ZNF292: variants seen among roughly 807,000 people sequenced by gnomAD.
ZNF292 encodes the protein 16 zinc-finger domain protein.
Under a neutral mutation model 217.9 loss-of-function variants are expected in ZNF292, and 26 were observed. The ratio of observed to expected loss-of-function variants is 0.12; its 90% CI spans 0.09 to 0.17. ZNF292 has a LOEUF of 0.17. Ranked by LOEUF, ZNF292 falls within the 10% of genes least tolerant of loss-of-function variation. The probability of loss-of-function intolerance (pLI) is 1.00; values close to 1 mark genes in which losing one functional copy is unlikely to be tolerated. For missense variants in ZNF292, 2,904 were observed against 3,175.2 expected, an observed-to-expected ratio of 0.91 and a Z score of 2.05; for synonymous variants, 1,257 against 1,124.1, an observed-to-expected ratio of 1.12 and a Z score of -2.37.
chr6:87,241,303 A>T (rs913580042), intron 5 of ZNF292, among the ~76,000 whole-genome samples: 15 of 152,120 alleles, frequency 9.9e-5, no homozygotes, highest in African/African-American at 3.1e-4. Context: ...TAAATAAATA[A>T]ATATATAAAA....
At chr6:87,234,085 A>G (rs1161606164) in intron 5 of ZNF292, among the ~76,000 whole-genome samples, 1 of 152,298 alleles carries the variant, frequency 6.6e-6, no homozygotes, top group African/African-American at 2.4e-5. Context: ...TAGTATTCAC[A>G]TATTTGTATA....
At chr6:87,188,921 C>T (rs898934839) in intron 1 of ZNF292, among the ~76,000 whole-genome samples, 1 of 151,844 alleles carries the variant, frequency 6.6e-6, no homozygotes, top group Non-Finnish European at 1.5e-5. Context: ...AAGTCTTTTT[C>T]AGGCCAGGCA....
At chr6:87,173,284 C>G (rs946155165) in intron 1 of ZNF292, 3 of 152,044 alleles carry the variant, frequency 2.0e-5, no homozygotes, top group African/African-American at 7.2e-5. Flanking sequence ...CCATATCATT[C>G]AAAACATTTA....
Position 87,255,403 on chromosome 6 carries a change from G to A in ZNF292, c.1774G>A (p.Val592Ile), listed in dbSNP as rs1431937703. Residue 592 changes from valine (V) to isoleucine (I), a missense_variant, in exon 8 of 8, where the codon GTT becomes ATT. This residue lies in a region of ZNF292 where 216 missense variants were observed against 308.3 expected (regional missense o/e 0.70). Coordinates refer to ENST00000369577, the MANE Select transcript of ZNF292 (RefSeq NM_015021.3). ...ETFVPHVTLHVKQSSKERLAA... is the reference protein window; with the variant it reads ...ETFVPHVTLHIKQSSKERLAA... The stretch of plus-strand genomic sequence containing the variant: ...TTTTGTCCCTCATGTCACACTGCAT[G>A]TTAAACAATCTAGTAAAGAGAGACT... 1 of 1,613,778 alleles carries A rather than the reference G, an allele frequency of 6.2e-7. No individual in the cohort carries two copies. The highest frequency in any genetic ancestry group is 8.5e-7 in the Non-Finnish European group (1 of 1,179,832).
chr6:87,159,610 C>T (rs1363394784), intron 1 of ZNF292, among the ~76,000 whole-genome samples: 2 of 150,834 alleles, frequency 1.3e-5, no homozygotes, highest in African/African-American at 4.9e-5. Context: ...TCAAGCAATT[C>T]TCCTGCCTCA....
chr6:87,255,070 A>G lies in ZNF292; in HGVS notation c.1441A>G (p.Lys481Glu). ...DELNDSEVYE[K>E]VVDYQEESKE... ...ACTAAATGACAGTGAAGTATATGAAAAAGTGGTAGACTACCAAGAAGAGAG... is the reference window on the plus strand; with the variant it reads ...ACTAAATGACAGTGAAGTATATGAAGAAGTGGTAGACTACCAAGAAGAGAG... The change falls in exon 8 of 8, where the codon AAA becomes GAA. Residue 481 changes from lysine (K) to glutamate (E), a missense_variant. Coordinates refer to ENST00000369577, the MANE Select transcript of ZNF292 (RefSeq NM_015021.3). 1 of 1,613,722 alleles carries G rather than the reference A, an allele frequency of 6.2e-7. No individual in the cohort carries two copies. Among genetic ancestry groups the G allele is most frequent in the African/African-American group, 1.3e-5 (1 of 75,042 alleles).
chr6:87,161,642 C>T lies in ZNF292; in HGVS notation c.168+5883C>T, dbSNP rs1039617710. On this transcript the variant is annotated intron_variant, in intron 1 of 7. Coordinates refer to ENST00000369577, the MANE Select transcript of ZNF292 (RefSeq NM_015021.3). ...CATTGCCCAGGTTGGTCTCAAACTC[C>T]TGTGCTCAAGCAGTCCTCCCACCTT... Among the ~76,000 whole-genome samples the T allele has an allele frequency of 5.3e-5, 8 of 152,348 alleles. No homozygotes were observed. In the East Asian group the frequency reaches 1.5e-3, roughly 29 times the overall value.
chr6:87,233,755 C>A, intron 5 of ZNF292: 1 of 655,120 alleles, frequency 1.5e-6, no homozygotes, highest in Non-Finnish European at 1.9e-6. Flanking sequence ...CTTTTAAATG[C>A]TTTGGCTAAA....
At position 87,244,025 on chromosome 6, in the gene ZNF292, G is replaced by T. The variant is rs117728805; in HGVS notation, c.878+414G>T. Among the ~76,000 whole-genome samples the T allele has an allele frequency of 5.6e-3, 841 of 150,068 alleles. 17 individuals carry two copies. In the East Asian group the frequency reaches 0.07, roughly 13 times the overall value. On this transcript the variant is annotated intron_variant, in intron 6 of 7. Transcript: ENST00000369577. ...AACAGAGATCTTGGTTTCAGTTAAT[G>T]TAAAAACTGAAGATCAGCTGCCTTA...
rs1221499714 is a variant in ZNF292, at chr6:87,263,001, G to C, written c.*1200G>C. 2.6e-5 allele frequency: 4 copies of C among 151,970 alleles called. No homozygotes were observed. Among genetic ancestry groups the C allele is most frequent in the African/African-American group, 7.2e-5 (3 of 41,408 alleles). The allele number at this position is 151,970 out of a possible 1,614,324, so 9.4% of individuals were successfully genotyped here. ...GGATGTTTTGATTTTACTGTTTATA[G>C]ATGTTAGATTGTACAGATTTGTCTG... On this transcript the variant is annotated 3_prime_UTR_variant, in exon 8 of 8. Coordinates refer to ENST00000369577, the MANE Select transcript of ZNF292 (RefSeq NM_015021.3).
chr6:87,257,812 T>C lies in ZNF292; in HGVS notation c.4183T>C (p.Ser1395Pro), dbSNP rs1028456007. Residue 1395 changes from serine (S) to proline (P), a missense_variant, in exon 8 of 8, where the codon TCC becomes CCC. This residue lies in a region of ZNF292 where 23 missense variants were observed against 51.3 expected (regional missense o/e 0.45). Coordinates refer to ENST00000369577, the MANE Select transcript of ZNF292 (RefSeq NM_015021.3). The part of the protein sequence containing the change: ...TNPRSLGGHL[S>P]KRSYCKPLDG... ...TCCCAGATCACTGGGTGGGCACTTA[T>C]CCAAGCGATCTTACTGTAAACCACT... 2.5e-6 allele frequency: 4 copies of C among 1,613,828 alleles called. No individual in the cohort carries two copies. The highest frequency in any genetic ancestry group is 3.4e-6 in the Non-Finnish European group (4 of 1,179,800).
chr6:87,233,641 T>TA, intron 5 of ZNF292, 114 bp downstream of exon 5: 1 of 1,467,484 alleles, frequency 6.8e-7, no homozygotes, highest in Non-Finnish European at 9.0e-7. Flanking sequence ...TTGTCAATCT[T>TA]ACATTTTTGG....
intron 4 of ZNF292, among the ~76,000 whole-genome samples, chr6:87,231,477 G>T (rs1773652690): frequency 6.6e-6 from 1 of 152,100 alleles, no homozygotes; most frequent in Non-Finnish European, 1.5e-5. Flanking sequence ...CCAAATGATG[G>T]AACAGACAAA....
chr6:87,253,895 T>C (rs916860758), intron 7 of ZNF292, among the ~76,000 whole-genome samples: 2 of 152,252 alleles, frequency 1.3e-5, no homozygotes, highest in Non-Finnish European at 2.9e-5. Context: ...TTTATCTCTT[T>C]ACTCCATGTG....
rs546691929 is a variant in ZNF292 at position 87,257,563 on chromosome 6, G to C, written c.3934G>C (p.Gly1312Arg). 4 of 1,606,696 alleles carry C rather than the reference G, an allele frequency of 2.5e-6. No individual in the cohort carries two copies. Among genetic ancestry groups the C allele is most frequent in the South Asian group, 2.2e-5 (2 of 89,952 alleles). Residue 1312 changes from glycine to arginine, a missense_variant, in exon 8 of 8, where the codon GGG becomes CGG. Coordinates refer to ENST00000369577, the MANE Select transcript of ZNF292 (RefSeq NM_015021.3). ...AAACACTAATTCCTCCTTTCTAAAGGGGGGTAATGGTGAAAATGCAGTTTT... is the reference window on the plus strand; with the variant it reads ...AAACACTAATTCCTCCTTTCTAAAGCGGGGTAATGGTGAAAATGCAGTTTT... ...EGNTNSSFLKGGNGENAVFPS... is the reference protein window; with the variant it reads ...EGNTNSSFLKRGNGENAVFPS...
chr6:87,258,813 C>T lies in ZNF292; in HGVS notation c.5184C>T (p.Ser1728=), dbSNP rs2127868451. 6.2e-7 allele frequency: 1 copy of T among 1,612,950 alleles called. No individual in the cohort carries two copies. The highest frequency in any genetic ancestry group is 8.5e-7 in the Non-Finnish European group (1 of 1,179,472). The change falls in exon 8 of 8, where the codon TCC becomes TCT. Residue 1728 remains serine, a synonymous_variant. Transcript: ENST00000369577. ...CATTAAAAACTGAAAATGGTGATTC[C>T]CAAATGATGGCTTTGAATTCATGCA... is the stretch of plus-strand genomic sequence containing the variant. ...PLTLKTENGD[S]QMMALNSCTT...
Position 87,265,494 on chromosome 6 carries a change from A to G in ZNF292, c.*3693A>G, listed in dbSNP as rs150940296. 6.6e-6 allele frequency among the ~76,000 whole-genome samples: 1 copy of G among 152,286 alleles called. No homozygotes were observed. The highest frequency in any genetic ancestry group is 1.5e-5 in the Non-Finnish European group (1 of 68,014). ...CTCCACCTCCCAAAGTGCAGGTATT[A>G]CAAGCATGAGCCACCACACCCAGCC... On this transcript the variant is annotated 3_prime_UTR_variant, in exon 8 of 8. Coordinates refer to ENST00000369577, the MANE Select transcript of ZNF292 (RefSeq NM_015021.3).
chr6:87,216,572 G>A (rs1378679646), intron 3 of ZNF292, among the ~76,000 whole-genome samples, 195 bp downstream of exon 3: 1 of 151,986 alleles, frequency 6.6e-6, no homozygotes, highest in Admixed American at 6.6e-5. Context: ...CATTTAGATA[G>A]ATTGAATAAT....
At chr6:87,195,409 C>T (rs1175465788) in intron 1 of ZNF292, among the ~76,000 whole-genome samples, 1 of 152,146 alleles carries the variant, frequency 6.6e-6, no homozygotes, top group Non-Finnish European at 1.5e-5. Flanking sequence ...TTGGTATCAA[C>T]TGGCTGTCCA....
Sources: allele counts gnomAD v4.1 joint callset (sites outside exome capture counted in the v4.1 genomes callset), GRCh38; gene constraint gnomAD v4.1.1; regional missense constraint gnomAD v4.1.1; transcripts MANE v1.5; gene names NCBI Gene and HGNC (gene_info 2026-07-23, HGNC 2026-07-21).